Variants in PCDHGB7 observed in about 807,000 individuals in gnomAD.
The protein encoded by PCDHGB7 is protocadherin gamma-B7.
A neutral mutation model predicts 61.4 loss-of-function variants in PCDHGB7; 37 were observed. The observed-to-expected ratio is 0.60, with a 90% confidence interval of 0.46 to 0.79. The LOEUF (loss-of-function observed/expected upper bound fraction) is 0.79, where lower values mean the gene tolerates loss of function less well. Ranked by LOEUF, PCDHGB7 falls within the 30% of genes least tolerant of loss-of-function variation. PCDHGB7 has a pLI of 0.00. For synonymous variants in PCDHGB7, 464 were observed against 503.5 expected (o/e 0.92, Z 1.05); for missense variants, 1,166 against 1,202.5 (o/e 0.97, Z 0.45).
At chr5:141,508,642 T>A (rs893357826) in intron 3 of PCDHGB7, among the ~76,000 whole-genome samples, 13 of 152,070 alleles carry the variant, frequency 8.5e-5, no homozygotes, top group Admixed American at 2.6e-4. Flanking sequence ...AGCTACTCCG[T>A]CAGGCCCTTC....
In PCDHGB7 at chr5:141,486,675, A is replaced by T; in HGVS notation, c.2416-8132A>T. On this transcript the variant is annotated intron_variant, in intron 1 of 3. Coordinates refer to ENST00000398594, the MANE Select transcript of PCDHGB7 (RefSeq NM_018927.4). The surrounding 1 kb of genome is among the most constrained non-coding windows in gnomAD (Gnocchi z 5.0). ...TCACTCCTGGAGCCCAGGAATCGAGATGTATCAGCTTCCTCTTTCATCTCT... is the reference window on the plus strand; with the variant it reads ...TCACTCCTGGAGCCCAGGAATCGAGTTGTATCAGCTTCCTCTTTCATCTCT... The T allele has an allele frequency of 6.2e-7, 1 of 1,614,056 alleles. No individual in the cohort carries two copies. The highest frequency in any genetic ancestry group is 8.5e-7 in the Non-Finnish European group (1 of 1,180,016).
chr5:141,421,187 A>G (rs745843422), intron 1 of PCDHGB7: 5 of 1,473,698 alleles, frequency 3.4e-6, no homozygotes, highest in Non-Finnish European at 4.5e-6. Context: ...TTCACAACCA[A>G]CCAGCTCGAG....
intron 1 of PCDHGB7, among the ~76,000 whole-genome samples, chr5:141,472,792 C>A (rs2099297177): frequency 6.6e-6 from 1 of 151,698 alleles, no homozygotes; most frequent in African/African-American, 2.4e-5. Context: ...TCAAGATCAG[C>A]CTGACCAACA....
In PCDHGB7 at chr5:141,431,321, G is replaced by A. The variant is rs112186927; in HGVS notation, c.2415+11047G>A. The A allele has an allele frequency of 1.2e-6, 2 of 1,613,938 alleles. No individual in the cohort carries two copies. The highest frequency in any genetic ancestry group is 1.3e-5 in the African/African-American group (1 of 74,910). ...CCTCATCGTGCAAAATGGAGCCGAC[G>A]GTAGTAAGTACCCCGAATTGGTGCT... is the stretch of plus-strand genomic sequence containing the variant. On this transcript the variant is annotated intron_variant, in intron 1 of 3. Transcript: ENST00000398594. The surrounding 1 kb of genome is among the most constrained non-coding windows in gnomAD (Gnocchi z 4.8).
rs1476081470 is a variant in PCDHGB7, at chr5:141,432,757, C to G, written c.2415+12483C>G. 2.5e-6 allele frequency: 4 copies of G among 1,614,150 alleles called. No homozygotes were observed. The highest frequency in any genetic ancestry group is 1.3e-5 in the African/African-American group (1 of 75,076). ...TCACGCTCACCGTGGCCGTGGCCGA[C>G]AGCATCCCCCAAGTCCTGGCGGACC... On this transcript the variant is annotated intron_variant, in intron 1 of 3. Coordinates refer to ENST00000398594, the MANE Select transcript of PCDHGB7 (RefSeq NM_018927.4). This position sits in a 1 kb window ranked among gnomAD's most constrained non-coding sequence, Gnocchi z 6.0.
chr5:141,482,245 G>A (rs72790067), intron 1 of PCDHGB7, among the ~76,000 whole-genome samples: 74 of 152,252 alleles, frequency 4.9e-4, no homozygotes, highest in Non-Finnish European at 7.9e-4. Flanking sequence ...TATAAGTATA[G>A]TACTGTACAT....
chr5:141,441,836 C>T (rs1026890754), intron 1 of PCDHGB7: 2 of 354,006 alleles, frequency 5.6e-6, no homozygotes, highest in Non-Finnish European at 1.1e-5. Flanking sequence ...AATGGCTTCG[C>T]GCTCTTGGAT....
chr5:141,480,887 A>T (rs2099527301), intron 1 of PCDHGB7, among the ~76,000 whole-genome samples: 1 of 152,146 alleles, frequency 6.6e-6, no homozygotes. Flanking sequence ...TCTACTAAAA[A>T]TGCAAACATT....
At position 141,435,341 on chromosome 5, in the gene PCDHGB7, C is replaced by T. The variant is rs73794903; in HGVS notation, c.2415+15067C>T. 9.3e-3 allele frequency among the ~76,000 whole-genome samples: 1,412 copies of T among 152,206 alleles called. 25 individuals carry two copies. Among genetic ancestry groups the T allele is most frequent in the African/African-American group, 0.032 (1,313 of 41,532 alleles). On this transcript the variant is annotated intron_variant, in intron 1 of 3. Coordinates refer to ENST00000398594, the MANE Select transcript of PCDHGB7 (RefSeq NM_018927.4). ...ACTTCCAAATATAGTGAATTTATTT[C>T]TTCTGCATTTAAAATTTTATCACTT...
At position 141,419,815 on chromosome 5, in the gene PCDHGB7, A is replaced by T; in HGVS notation, c.1956A>T (p.Pro652=). 1 of 1,613,988 alleles carries T rather than the reference A, an allele frequency of 6.2e-7. No individual in the cohort carries two copies. ...TCGCTGTAAGAGATGGAGGACAGCC[A>T]CCCCTTTCAGCCACTGCCACGCTGC... The part of the protein sequence containing the change: ...LLVAVRDGGQ[P]PLSATATLHL... Residue 652 remains proline (P), a synonymous_variant, in exon 1 of 4, where the codon CCA becomes CCT. Transcript: ENST00000398594.
In PCDHGB7 at chr5:141,489,537, C is replaced by T. The variant is rs2099688580; in HGVS notation, c.2416-5270C>T. 6.2e-6 allele frequency: 10 copies of T among 1,614,118 alleles called. No homozygotes were observed. Among genetic ancestry groups the T allele is most frequent in the Non-Finnish European group, 8.5e-6 (10 of 1,180,028 alleles). ...ACCGAGAAAGCCTATGTGGAGCCAG[C>T]ACCAGCTGCCTGCTGCCAGTGCAGG... On this transcript the variant is annotated intron_variant, in intron 1 of 3. Transcript: ENST00000398594. This position sits in a 1 kb window ranked among gnomAD's most constrained non-coding sequence, Gnocchi z 4.5.
In PCDHGB7 at chr5:141,489,661, C is replaced by T. The variant is rs756803543; in HGVS notation, c.2416-5146C>T. 36 of 1,614,146 alleles carry T rather than the reference C, an allele frequency of 2.2e-5. 1 individual carries two copies. Among genetic ancestry groups the T allele is most frequent in the South Asian group, 5.5e-5 (5 of 91,090 alleles). ...CTTTGCCACCCCTGAGCGAGAGATG[C>T]GCATCTCAGAATCAGCAGCATCTGG... On this transcript the variant is annotated intron_variant, in intron 1 of 3. Coordinates refer to ENST00000398594, the MANE Select transcript of PCDHGB7 (RefSeq NM_018927.4). The surrounding 1 kb of genome is among the most constrained non-coding windows in gnomAD (Gnocchi z 4.5).
rs1196083589 is a variant in PCDHGB7, at chr5:141,486,525, A to G, written c.2416-8282A>G. On this transcript the variant is annotated intron_variant, in intron 1 of 3. Coordinates refer to ENST00000398594, the MANE Select transcript of PCDHGB7 (RefSeq NM_018927.4). This position sits in a 1 kb window ranked among gnomAD's most constrained non-coding sequence, Gnocchi z 5.0. ...CTCAATATTTCAGATGTGAATGATA[A>G]TCCACCCTCTTTCTTTCAGAGGTCA... 1 of 1,614,158 alleles carries G rather than the reference A, an allele frequency of 6.2e-7. No individual in the cohort carries two copies. Among genetic ancestry groups the G allele is most frequent in the African/African-American group, 1.3e-5 (1 of 75,054 alleles).
At chr5:141,422,144 G>T in intron 1 of PCDHGB7, 1 of 1,583,520 alleles carries the variant, frequency 6.3e-7, no homozygotes, top group Non-Finnish European at 8.5e-7. Context: ...CAAGTACGGG[G>T]GTCTCTGGAT....
intron 2 of PCDHGB7, among the ~76,000 whole-genome samples, chr5:141,499,940 G>A (rs1158937971): frequency 4.0e-5 from 6 of 151,722 alleles, no homozygotes; most frequent in Non-Finnish European, 8.8e-5. Flanking sequence ...CACCCTCCTC[G>A]GCCTCCCAAA....
rs2099611311 is a variant in PCDHGB7 at position 141,485,311 on chromosome 5, G to A, written c.2416-9496G>A. 3.1e-6 allele frequency: 5 copies of A among 1,614,174 alleles called. No individual in the cohort carries two copies. The East Asian group carries it at 6.7e-5, about 22-fold the overall frequency. ...AGTCACAGGAAGGGACTTTTGTAGGGAATGTCGCTCAAGATTTCCTGCTGG... is the reference window on the plus strand; with the variant it reads ...AGTCACAGGAAGGGACTTTTGTAGGAAATGTCGCTCAAGATTTCCTGCTGG... On this transcript the variant is annotated intron_variant, in intron 1 of 3. Transcript: ENST00000398594. The surrounding 1 kb of genome is among the most constrained non-coding windows in gnomAD (Gnocchi z 5.7).
rs1259098111 is a variant in PCDHGB7 at position 141,489,418 on chromosome 5, T to C, written c.2416-5389T>C. On this transcript the variant is annotated intron_variant, in intron 1 of 3. Coordinates refer to ENST00000398594, the MANE Select transcript of PCDHGB7 (RefSeq NM_018927.4). This position sits in a 1 kb window ranked among gnomAD's most constrained non-coding sequence, Gnocchi z 4.5. ...TCTGGGCTTAAAGATGACAGATCTGTTGAGCCGGCGGCTGCAATTGGGCTC... is the reference window on the plus strand; with the variant it reads ...TCTGGGCTTAAAGATGACAGATCTGCTGAGCCGGCGGCTGCAATTGGGCTC... The C allele has an allele frequency of 1.2e-6, 2 of 1,614,174 alleles. No individual in the cohort carries two copies. The highest frequency in any genetic ancestry group is 8.5e-7 in the Non-Finnish European group (1 of 1,180,032).
At chr5:141,509,507 T>G (rs2099877110) in intron 3 of PCDHGB7, among the ~76,000 whole-genome samples, 1 of 151,792 alleles carries the variant, frequency 6.6e-6, no homozygotes, top group African/African-American at 2.4e-5. Flanking sequence ...GATGTGACGG[T>G]GTTGATGATG....
chr5:141,478,179 A>C, intron 1 of PCDHGB7: 1 of 1,613,996 alleles, frequency 6.2e-7, no homozygotes, highest in Non-Finnish European at 8.5e-7. Context: ...GAGCAGAAAA[A>C]AAATCTCACC....
Sources: gnomAD v4.1 joint callset for allele counts (sites outside exome capture counted in the v4.1 genomes callset) on GRCh38, gnomAD v4.1.1 for gene constraint, Gnocchi (gnomAD v3.1) non-coding constraint, MANE v1.5 for transcripts, NCBI Gene and HGNC (gene_info 2026-07-23, HGNC 2026-07-21) for gene names.